The following ATP11C variants were observed in gnomAD, a reference collection of about 807,000 sequenced individuals.
ATP11C encodes the protein phospholipid-transporting ATPase IG.
Under a neutral mutation model 97.4 loss-of-function variants are expected in ATP11C, and 36 were observed. The observed-to-expected ratio is 0.37, with a 90% CI of 0.28 to 0.49. The LOEUF (loss-of-function observed/expected upper bound fraction) is 0.49, where lower values mean the gene tolerates loss of function less well. ATP11C is among the 20% of genes least tolerant of loss of function. ATP11C has a pLI of 0.98. For synonymous variants in ATP11C, 275 were observed against 290.9 expected (o/e 0.95, Z 0.56); for missense variants, 730 against 824.6 (o/e 0.89, Z 1.40).
chrX:139,849,755 T>C (rs1425132482), intron 1 of ATP11C, among the ~76,000 whole-genome samples: 1 of 112,591 alleles, frequency 8.9e-6, no homozygotes, highest in Admixed American at 9.4e-5. Flanking sequence ...TAAATGCCAC[T>C]GTGATGGTAT....
intron 23 of ATP11C, among the ~76,000 whole-genome samples, chrX:139,752,792 C>T (rs963968660): frequency 4.5e-5 from 5 of 111,821 alleles, no homozygotes; most frequent in East Asian, 2.8e-4. Flanking sequence ...TCAGAACTTA[C>T]GAAACTCTCT....
intron 3 of ATP11C, among the ~76,000 whole-genome samples, chrX:139,817,478 G>C (rs941315169): frequency 2.7e-5 from 3 of 112,875 alleles, no homozygotes; most frequent in Admixed American, 9.3e-5. Flanking sequence ...GATGGGGCTG[G>C]AGAGGGAGGC....
chrX:139,889,263 G>T (rs1202177417), intron 1 of ATP11C, among the ~76,000 whole-genome samples: 2 of 112,127 alleles, frequency 1.8e-5, no homozygotes, highest in Non-Finnish European at 3.8e-5. Context: ...CTGGATAAAT[G>T]CAAGGACATA....
At chrX:139,894,862 G>T (rs2084781963) in intron 1 of ATP11C, among the ~76,000 whole-genome samples, 1 of 111,697 alleles carries the variant, frequency 9.0e-6, no homozygotes, top group Admixed American at 9.5e-5. Context: ...TTCGAGACCA[G>T]CCTGGCCAAC....
chrX:139,763,552 A>G, intron 20 of ATP11C, 134 bp from the exon 21 acceptor site: 2 of 470,978 alleles, frequency 4.2e-6, no homozygotes, highest in Non-Finnish European at 7.3e-6. Flanking sequence ...GTGCATATAC[A>G]GTCATCCCTC....
At chrX:139,740,968 C>T (rs372098236) in intron 27 of ATP11C, 23 bp downstream of exon 27, 192 of 1,001,909 alleles carry the variant, frequency 1.9e-4, no homozygotes, top group Non-Finnish European at 2.2e-4. Flanking sequence ...TTACATATTG[C>T]TCACACATGT....
intron 1 of ATP11C, among the ~76,000 whole-genome samples, chrX:139,861,302 AT>A (rs2084191435): frequency 8.9e-6 from 1 of 111,967 alleles, no homozygotes; most frequent in Non-Finnish European, 1.9e-5. Context: ...TATTTTATTC[AT>A]TTCATAAACA....
chrX:139,774,767 A>C lies in ATP11C; in HGVS notation c.2139T>G (p.Asp713Glu). ...ATTCTATCAATAATTCATGTAATCG[A>C]TCTTCTTTCCTTTCACTTTCTTCAA... ...KTIEESERKE[D>E]RLHELLIEYR... The change falls in exon 19 of 30, where the codon GAT becomes GAG. Residue 713 changes from aspartate to glutamate, a missense_variant. Coordinates refer to ENST00000682941, the MANE Select transcript of ATP11C (RefSeq NM_001353812.2). 8.3e-7 allele frequency: 1 copy of C among 1,210,862 alleles called. No individual in the cohort carries two copies. Among genetic ancestry groups the C allele is most frequent in the Non-Finnish European group, 1.1e-6 (1 of 894,564 alleles).
rs767053060 is a variant in ATP11C at position 139,756,271 on chromosome X, G to A, written c.2700+1537C>T. Among the ~76,000 whole-genome samples, 7 of 111,929 alleles carry A rather than the reference G, an allele frequency of 6.3e-5. No individual in the cohort carries two copies. The South Asian group carries it at 2.6e-3, about 42-fold the overall frequency. On this transcript the variant is annotated intron_variant, in intron 23 of 29. Coordinates refer to ENST00000682941, the MANE Select transcript of ATP11C (RefSeq NM_001353812.2). ...GAGAAATGCAAATCAAAACAAAAAC[G>A]AGATACCATCTCACACCAGTCAGAA...
At chrX:139,758,075 G>A (rs1462985535) in intron 22 of ATP11C, among the ~76,000 whole-genome samples, 2 of 111,928 alleles carry the variant, frequency 1.8e-5, no homozygotes, top group African/African-American at 3.2e-5. Flanking sequence ...TATCAAGGCA[G>A]AAGAGGATCT....
intron 19 of ATP11C, among the ~76,000 whole-genome samples, chrX:139,773,013 A>G (rs898820123): frequency 5.4e-5 from 6 of 110,565 alleles, no homozygotes; most frequent in African/African-American, 2.0e-4. Flanking sequence ...CTCAACTTGA[A>G]TTGTACCTCC....
intron 1 of ATP11C, among the ~76,000 whole-genome samples, chrX:139,844,566 A>G (rs1159722647): frequency 8.9e-6 from 1 of 112,172 alleles, no homozygotes; most frequent in Non-Finnish European, 1.9e-5. Context: ...GCTCTGAACA[A>G]GAAGGGGGCC....
chrX:139,848,382 A>G (rs1405072139), intron 1 of ATP11C, among the ~76,000 whole-genome samples: 1 of 111,491 alleles, frequency 9.0e-6, no homozygotes, highest in Non-Finnish European at 1.9e-5. Flanking sequence ...GTGAGAGAGT[A>G]GGATCTGTTA....
chrX:139,812,835 C>T (rs1056459295), intron 5 of ATP11C, among the ~76,000 whole-genome samples: 7 of 112,046 alleles, frequency 6.2e-5, no homozygotes, highest in African/African-American at 1.9e-4. Flanking sequence ...TTGGTTCTTA[C>T]GCTGATCAAT....
rs1165596018 is a variant in ATP11C at position 139,764,603 on chromosome X, C to T, written c.2392-1185G>A. ...AATAATGCTTTGCAAAAATACTGTC[C>T]TCACAATTGTTCTGACCAGTTAACA... is the stretch of plus-strand genomic sequence containing the variant. On this transcript the variant is annotated intron_variant, in intron 20 of 29. Transcript: ENST00000682941. Among the ~76,000 whole-genome samples, 13 of 112,628 alleles carry T rather than the reference C, an allele frequency of 1.2e-4. No homozygotes were observed. The Admixed American group carries it at 1.2e-3, about 11-fold the overall frequency.
chrX:139,743,300 A>G (rs1279819684), intron 26 of ATP11C, among the ~76,000 whole-genome samples: 2 of 110,693 alleles, frequency 1.8e-5, no homozygotes, highest in Non-Finnish European at 3.8e-5. Flanking sequence ...GATTTTCGAC[A>G]TAAGTATGGT....
intron 1 of ATP11C, among the ~76,000 whole-genome samples, chrX:139,927,831 G>A (rs976701069): frequency 3.6e-5 from 4 of 110,851 alleles, no homozygotes; most frequent in East Asian, 2.8e-4. Flanking sequence ...TAATGTATAC[G>A]GTATACCCCA....
chrX:139,753,979 C>G (rs186113786), intron 23 of ATP11C, among the ~76,000 whole-genome samples: 200 of 110,665 alleles, frequency 1.8e-3, no homozygotes, highest in African/African-American at 6.2e-3. Flanking sequence ...CAAATCAGAG[C>G]TGAACTGAGG....
chrX:139,737,614 C>G (rs1404430479), intron 28 of ATP11C: 1 of 171,523 alleles, frequency 5.8e-6, no homozygotes, highest in Non-Finnish European at 1.2e-5. Context: ...TGTGAAAATT[C>G]TAGGCTAAAT....
Sources: gnomAD v4.1 joint callset for allele counts (sites outside exome capture counted in the v4.1 genomes callset) on GRCh38, gnomAD v4.1.1 for gene constraint, MANE v1.5 for transcripts, NCBI Gene and HGNC (gene_info 2026-07-23, HGNC 2026-07-21) for gene names.